NTM: variants seen among roughly 807,000 people sequenced by gnomAD.
NTM encodes the protein neurotrimin, also known as IgLON family member 2.
A neutral mutation model predicts 42.1 loss-of-function variants in NTM; 13 were observed. That is an observed-to-expected ratio of 0.31 (90% confidence interval 0.20 to 0.49). The LOEUF is 0.49. NTM is among the 20% of genes least tolerant of loss of function. The pLI is 0.99. For synonymous variants in NTM, 187 were observed against 179.2 expected (o/e 1.04, Z -0.35); for missense variants, 373 against 452.8 (o/e 0.82, Z 1.60).
chr11:132,307,771 C>T lies in NTM; in HGVS notation c.609C>T (p.Ala203=), dbSNP rs745361222. The T allele has an allele frequency of 2.2e-5, 36 of 1,614,088 alleles. No homozygotes were observed. The highest frequency in any genetic ancestry group is 1.5e-4 in the Admixed American group (9 of 60,004). Residue 203 remains alanine, a synonymous_variant, in exon 5 of 9, where the codon GCC becomes GCT. Transcript: ENST00000683400. ...AGTCAGGGGACTACGAGTGCAGTGC[C>T]TCCAATGACGTGGCCGCGCCCGTGG... ...REQSGDYECS[A]SNDVAAPVVR... is the part of the protein sequence containing the mutation.
chr11:132,057,809 T>C (rs949146), intron 2 of NTM, among the ~76,000 whole-genome samples: 56,555 of 151,812 alleles, frequency 0.37, 9,103 homozygotes, highest in South Asian at 0.47. Flanking sequence ...ATCCTGCAGC[T>C]GGGGACTTCT....
intron 3 of NTM, among the ~76,000 whole-genome samples, chr11:132,191,497 G>T (rs1303667848): frequency 6.6e-6 from 1 of 152,142 alleles, no homozygotes; most frequent in Non-Finnish European, 1.5e-5. Flanking sequence ...GCCCTCAAGG[G>T]CTGTAAAGAA....
chr11:131,963,262 G>T (rs374385775), intron 2 of NTM, among the ~76,000 whole-genome samples: 1 of 152,184 alleles, frequency 6.6e-6, no homozygotes. Context: ...CCAGAGCAGC[G>T]CAAATGGAGG....
At chr11:131,676,438 T>C (rs1198430605) in intron 1 of NTM, among the ~76,000 whole-genome samples, 1 of 149,600 alleles carries the variant, frequency 6.7e-6, no homozygotes. Context: ...TGTGTGTATC[T>C]GTGTGTGTGT....
intron 1 of NTM, among the ~76,000 whole-genome samples, chr11:131,654,382 C>T (rs1008200695): frequency 3.9e-5 from 6 of 152,156 alleles, no homozygotes; most frequent in Admixed American, 3.3e-4. Context: ...GTGAGGGGAC[C>T]TCACGGCCAC....
rs71067353 is a variant in NTM at position 132,043,958 on chromosome 11, A to ATGTGTGTGTGTG, written c.168-102300_168-102289dup. On this transcript the variant is annotated intron_variant, in intron 2 of 8. Coordinates refer to ENST00000683400, the MANE Select transcript of NTM (RefSeq NM_001352005.2). ...CATTTTAAGAAGACAGACACCAACT[A>ATGTGTGTGTGTG]TGTGTGTGTGTGTGTGTGTGTGTGT... Among the ~76,000 whole-genome samples, 1,045 of 146,316 alleles carry ATGTGTGTGTGTG rather than the reference A, an allele frequency of 7.1e-3. 9 individuals are homozygous for ATGTGTGTGTGTG. Among genetic ancestry groups the ATGTGTGTGTGTG allele is most frequent in the African/African-American group, 0.02 (794 of 39,754 alleles).
chr11:131,720,333 T>A (rs970739448), intron 1 of NTM, among the ~76,000 whole-genome samples: 1 of 152,202 alleles, frequency 6.6e-6, no homozygotes, highest in East Asian at 1.9e-4. Context: ...TCCCAGGATT[T>A]GTGATTATGC....
chr11:131,695,993 C>T (rs752138868), intron 1 of NTM, among the ~76,000 whole-genome samples: 33 of 152,258 alleles, frequency 2.2e-4, no homozygotes, highest in Middle Eastern at 3.4e-3. Context: ...AAAAACTGGA[C>T]GTGTGGTGCA....
At chr11:132,122,428 T>C (rs2136944150) in intron 2 of NTM, among the ~76,000 whole-genome samples, 1 of 152,278 alleles carries the variant, frequency 6.6e-6, no homozygotes, top group East Asian at 1.9e-4. Context: ...TAAAGTCAAA[T>C]CCAGGAGGTT....
intron 1 of NTM, among the ~76,000 whole-genome samples, chr11:131,873,537 T>TGGGTATATATATATGTATATATACC (rs2048023593): frequency 1.4e-5 from 1 of 72,114 alleles, no homozygotes; most frequent in African/African-American, 3.8e-5. Flanking sequence ...TGTGTGTGTG[T>TGGGTATATATATATGTATATATACC]GTATATATAT....
intron 2 of NTM, among the ~76,000 whole-genome samples, chr11:132,059,592 T>C (rs549124002): frequency 1.3e-5 from 2 of 152,210 alleles, no homozygotes; most frequent in Middle Eastern, 3.4e-3. Flanking sequence ...GTCCTATAAA[T>C]TGAGAAACAG....
At chr11:132,028,972 C>T (rs1284479424) in intron 2 of NTM, among the ~76,000 whole-genome samples, 1 of 152,078 alleles carries the variant, frequency 6.6e-6, no homozygotes, top group African/African-American at 2.4e-5. Flanking sequence ...GACTTGTGCA[C>T]ACTGAACCTC....
intron 3 of NTM, among the ~76,000 whole-genome samples, chr11:132,177,623 G>A (rs577017957): frequency 6.6e-6 from 1 of 152,172 alleles, no homozygotes; most frequent in Non-Finnish European, 1.5e-5. Flanking sequence ...TCTTGGCAAT[G>A]CTAGATTTCA....
At chr11:132,204,241 C>T (rs1277614228) in intron 3 of NTM, among the ~76,000 whole-genome samples, 1 of 152,220 alleles carries the variant, frequency 6.6e-6, no homozygotes, top group African/African-American at 2.4e-5. Flanking sequence ...TAATTATCAA[C>T]ATCATTATGT....
At chr11:131,861,126 A>G (rs1391570955) in intron 1 of NTM, among the ~76,000 whole-genome samples, 2 of 152,170 alleles carry the variant, frequency 1.3e-5, no homozygotes, top group African/African-American at 4.8e-5. Flanking sequence ...CAGTGGAGTC[A>G]GAAAAAATAT....
chr11:132,015,340 T>C (rs2846326), intron 2 of NTM, among the ~76,000 whole-genome samples: 46,574 of 151,954 alleles, frequency 0.31, 9,234 homozygotes, highest in East Asian at 0.77. Context: ...CTCTGCTTTG[T>C]TCTTTTTGCT....
intron 1 of NTM, among the ~76,000 whole-genome samples, chr11:131,595,915 A>G (rs1182713032): frequency 6.6e-6 from 1 of 152,254 alleles, no homozygotes; most frequent in Non-Finnish European, 1.5e-5. Context: ...GTTCTTGTCA[A>G]CAGGACATAA....
intron 1 of NTM, among the ~76,000 whole-genome samples, chr11:131,424,314 A>G (rs1947831602): frequency 6.6e-6 from 1 of 152,264 alleles, no homozygotes; most frequent in African/African-American, 2.4e-5. Context: ...CCAGGAGCTC[A>G]GTGCCACTCA....
At chr11:132,157,973 T>C (rs2073552493) in intron 3 of NTM, among the ~76,000 whole-genome samples, 1 of 152,226 alleles carries the variant, frequency 6.6e-6, no homozygotes, top group African/African-American at 2.4e-5. Flanking sequence ...CAAGCTGCTG[T>C]TACCTTTGTC....
Sources: allele counts gnomAD v4.1 joint callset (sites outside exome capture counted in the v4.1 genomes callset), GRCh38; gene constraint gnomAD v4.1.1; transcripts MANE v1.5; gene names NCBI Gene and HGNC (gene_info 2026-07-23, HGNC 2026-07-21).